Variants in PRKAB1 observed in about 807,000 individuals in gnomAD.
The protein encoded by PRKAB1 is protein kinase AMP-activated non-catalytic subunit beta 1.
PRKAB1 carries 18 observed loss-of-function variants against 32.0 expected under a neutral mutation model. The ratio of observed to expected loss-of-function variants is 0.56; its 90% CI spans 0.39 to 0.83. The LOEUF (loss-of-function observed/expected upper bound fraction) is 0.83. Among genes scored for constraint, PRKAB1 ranks in the 40% least tolerant of loss-of-function variants. PRKAB1 has a pLI of 0.00. For missense variants in PRKAB1, 263 were observed against 352.6 expected (o/e 0.75, Z 2.03); for synonymous variants, 141 against 141.4 (o/e 1.00, Z 0.02).
At chr12:119,671,024 T>C (rs1267205979) in intron 1 of PRKAB1, among the ~76,000 whole-genome samples, 1 of 152,230 alleles carries the variant, frequency 6.6e-6, no homozygotes, top group Non-Finnish European at 1.5e-5. Context: ...TGACTACATA[T>C]GTCATCCAGA....
At chr12:119,676,701 C>T (rs1360057757) in intron 5 of PRKAB1, 31 bp downstream of exon 5, 10 of 1,607,880 alleles carry the variant, frequency 6.2e-6, no homozygotes, top group Non-Finnish European at 7.7e-6. Flanking sequence ...CCGGACCATC[C>T]GCCGTGGGTC....
rs533496854 is a variant in PRKAB1, at chr12:119,679,430, T to C, written c.667-503T>C. The C allele has an allele frequency of 1.1e-4, 18 of 161,834 alleles. No homozygotes were observed. The highest frequency in any genetic ancestry group is 2.4e-4 in the Non-Finnish European group (18 of 73,698). The allele number at this position is 161,834 out of a possible 1,614,324, so 10.0% of individuals were successfully genotyped here. A position where few individuals can be genotyped will look rare whatever the true frequency, so the allele number is the denominator to read the frequency against. Reference sequence around the variant, plus strand: ...CCGATTTCTGGCTTCTCTTAAAACATAGGAAGGTGCGGCGGGCAGCTCTGA... The same window carrying C: ...CCGATTTCTGGCTTCTCTTAAAACACAGGAAGGTGCGGCGGGCAGCTCTGA... On this transcript the variant is annotated intron_variant, in intron 5 of 6. Coordinates refer to ENST00000229328, the MANE Select transcript of PRKAB1 (RefSeq NM_006253.5). The surrounding 1 kb of genome is among the most constrained non-coding windows in gnomAD (Gnocchi z 4.1).
chr12:119,674,519 T>A lies in PRKAB1; in HGVS notation c.532+65T>A. 8.4e-7 allele frequency: 1 copy of A among 1,187,734 alleles called. No individual in the cohort carries two copies. The highest frequency in any genetic ancestry group is 1.4e-5 in the South Asian group (1 of 71,704). 73.6% of individuals were successfully genotyped at this position (1,187,734 alleles called of 1,614,324 possible). On this transcript the variant is annotated intron_variant, in intron 4 of 6. Coordinates refer to ENST00000229328, the MANE Select transcript of PRKAB1 (RefSeq NM_006253.5). This position sits in a 1 kb window ranked among gnomAD's most constrained non-coding sequence, Gnocchi z 4.3. ...GGGGCTGTACAGTCTAGACATACTC[T>A]TGTTTCTCTTGCCTCTCTTGAGCTG... is the stretch of plus-strand genomic sequence containing the variant.
At chr12:119,673,032 C>T (rs918817516) in intron 2 of PRKAB1, among the ~76,000 whole-genome samples, 2 of 152,144 alleles carry the variant, frequency 1.3e-5, no homozygotes, top group Non-Finnish European at 2.9e-5. Context: ...AGTTCAAGAC[C>T]AGCCTGGGCA....
intron 1 of PRKAB1, chr12:119,671,656 A>T (rs1201672446): frequency 8.6e-6 from 2 of 231,396 alleles, no homozygotes; most frequent in Non-Finnish European, 1.8e-5. Flanking sequence ...GATTATGGGG[A>T]TTACAATTCA....
At chr12:119,675,014 C>T (rs561107930) in intron 4 of PRKAB1, among the ~76,000 whole-genome samples, 1 of 152,370 alleles carries the variant, frequency 6.6e-6, no homozygotes, top group Non-Finnish European at 1.5e-5. Context: ...AGTAAAACTT[C>T]TCCATCTTGT....
chr12:119,680,888 C>A lies in PRKAB1; in HGVS notation c.*563C>A, dbSNP rs1037743459. The A allele has an allele frequency of 6.5e-6, 1 of 153,026 alleles. No homozygotes were observed. Among genetic ancestry groups the A allele is most frequent in the African/African-American group, 2.4e-5 (1 of 41,446 alleles). The allele number at this position is 153,026 out of a possible 1,614,324, so 9.5% of individuals were successfully genotyped here. On this transcript the variant is annotated 3_prime_UTR_variant, in exon 7 of 7. Transcript: ENST00000229328. The stretch of plus-strand genomic sequence containing the variant: ...CATTTCTATAGAAATTAGAAGCTTT[C>A]TGATTTCTAGATGAGGTTTTACAAT...
At chr12:119,675,788 G>A (rs1052758404) in intron 4 of PRKAB1, among the ~76,000 whole-genome samples, 4 of 152,204 alleles carry the variant, frequency 2.6e-5, no homozygotes, top group African/African-American at 9.6e-5. Context: ...CAGAGCTGGG[G>A]CATAGCAGAT....
intron 4 of PRKAB1, among the ~76,000 whole-genome samples, chr12:119,675,453 T>C (rs866435454): frequency 2.0e-5 from 3 of 152,214 alleles, no homozygotes; most frequent in Middle Eastern, 3.2e-3. Flanking sequence ...CTAGTTTTTT[T>C]GCAGATAGTT....
At chr12:119,670,291 C>A (rs982904602) in intron 1 of PRKAB1, among the ~76,000 whole-genome samples, 11 of 152,240 alleles carry the variant, frequency 7.2e-5, no homozygotes, top group Non-Finnish European at 1.3e-4. Flanking sequence ...TATCCAATTT[C>A]ATGTTAATCA....
chr12:119,676,060 G>A (rs868856448), intron 4 of PRKAB1, among the ~76,000 whole-genome samples: 2 of 152,130 alleles, frequency 1.3e-5, no homozygotes, highest in Non-Finnish European at 2.9e-5. Context: ...AATGTGCCTC[G>A]TTTAGCCTGT....
chr12:119,678,772 C>T (rs1325911766), intron 5 of PRKAB1: 2 of 152,236 alleles, frequency 1.3e-5, no homozygotes, highest in African/African-American at 2.4e-5. Context: ...TGGACACCTA[C>T]GTTGATTCCA....
intron 1 of PRKAB1, 55 bp from the exon 2 acceptor site, chr12:119,672,246 T>G (rs1320528234): frequency 1.4e-6 from 2 of 1,431,830 alleles, no homozygotes; most frequent in Non-Finnish European, 9.3e-7. Flanking sequence ...TTGTCAATAT[T>G]GTCTGTTGTA....
At position 119,680,608 on chromosome 12, in the gene PRKAB1, C is replaced by G. The variant is rs950437409; in HGVS notation, c.*283C>G. Reference sequence around the variant, plus strand: ...GGCAGAGGATCTGCAGCCCTGGCCCCGCGGTGCATGAGGCTGGGTGCAGTT... The same window carrying G: ...GGCAGAGGATCTGCAGCCCTGGCCCGGCGGTGCATGAGGCTGGGTGCAGTT... On this transcript the variant is annotated 3_prime_UTR_variant, in exon 7 of 7. Transcript: ENST00000229328. 12 of 465,144 alleles carry G rather than the reference C, an allele frequency of 2.6e-5. No individual in the cohort carries two copies. Among genetic ancestry groups the G allele is most frequent in the Non-Finnish European group, 4.7e-5 (12 of 257,410 alleles). The allele number at this position is 465,144 out of a possible 1,614,324, so 28.8% of individuals were successfully genotyped here.
intron 4 of PRKAB1, among the ~76,000 whole-genome samples, chr12:119,675,446 GT>G (rs891925786): frequency 2.0e-5 from 3 of 152,152 alleles, no homozygotes; most frequent in African/African-American, 7.2e-5. Context: ...ATATCATCTA[GT>G]TTTTTTGCAG....
chr12:119,668,025 T>G (rs149171538), upstream of PRKAB1: 14 of 541,020 alleles, frequency 2.6e-5, no homozygotes, highest in East Asian at 4.9e-4. Flanking sequence ...CTTGCGTTCT[T>G]GCCGCGGCTT....
rs997448515 is a variant in PRKAB1 at position 119,680,312 on chromosome 12, A to T, written c.800A>T (p.Tyr267Phe). The change falls in exon 7 of 7, where the codon TAC becomes TTC. Residue 267 changes from tyrosine to phenylalanine, a missense_variant. Tyr to Phe is a conservative substitution (Grantham distance 22, BLOSUM62 3). Coordinates refer to ENST00000229328, the MANE Select transcript of PRKAB1 (RefSeq NM_006253.5). The part of the protein sequence containing the change: ...YKKKYVTTLL[Y>F]KPI ...AAGAAGTACGTCACCACCTTGTTAT[A>T]CAAGCCCATATGAAGAGCTGGGGGC... 6.2e-7 allele frequency: 1 copy of T among 1,613,924 alleles called. No individual in the cohort carries two copies. Among genetic ancestry groups the T allele is most frequent in the African/African-American group, 1.3e-5 (1 of 74,934 alleles).
rs201378473 is a variant in PRKAB1 at position 119,674,094 on chromosome 12, G to A, written c.417+37G>A. Reference sequence around the variant, plus strand: ...CCCACCTCTGGTCCTCTGGGTGCCCGCACATTCCAAACAAATCACCTTCCC... The same window carrying A: ...CCCACCTCTGGTCCTCTGGGTGCCCACACATTCCAAACAAATCACCTTCCC... On this transcript the variant is annotated intron_variant, in intron 3 of 6. Transcript: ENST00000229328. The surrounding 1 kb of genome is among the most constrained non-coding windows in gnomAD (Gnocchi z 4.3). 9.3e-5 allele frequency: 146 copies of A among 1,567,904 alleles called. No individual in the cohort carries two copies. Among genetic ancestry groups the A allele is most frequent in the South Asian group, 2.3e-5 (2 of 88,288 alleles).
chr12:119,668,014 C>G, upstream of PRKAB1: 1 of 525,882 alleles, frequency 1.9e-6, no homozygotes, highest in South Asian at 2.9e-5. Context: ...TCTTCGCGCC[C>G]CTTGCGTTCT....
Sources: allele counts gnomAD v4.1 joint callset (sites outside exome capture counted in the v4.1 genomes callset), GRCh38; gene constraint gnomAD v4.1.1; non-coding constraint Gnocchi (gnomAD v3.1); transcripts MANE v1.5; gene names NCBI Gene and HGNC (gene_info 2026-07-23, HGNC 2026-07-21).